NDUFS4: variants seen among roughly 807,000 people sequenced by gnomAD.
NDUFS4 encodes the protein NADH dehydrogenase [ubiquinone] iron-sulfur protein 4, mitochondrial.
A neutral mutation model predicts 24.3 loss-of-function variants in NDUFS4; 28 were observed. The ratio of observed to expected loss-of-function variants is 1.15; its 90% confidence interval spans 0.85 to 1.58. The LOEUF (loss-of-function observed/expected upper bound fraction) is 1.58, where lower values mean the gene tolerates loss of function less well. NDUFS4 is among the 40% of genes most tolerant of loss of function. NDUFS4 has a pLI of 0.00. For synonymous variants in NDUFS4, 93 were observed against 69.7 expected (o/e 1.34, Z -1.67); for missense variants, 223 against 207.9 (o/e 1.07, Z -0.45).
chr5:53,619,826 A>G (rs1750975635), intron 2 of NDUFS4, among the ~76,000 whole-genome samples: 1 of 152,218 alleles, frequency 6.6e-6, no homozygotes, highest in South Asian at 2.1e-4. Flanking sequence ...AAACGAATGT[A>G]TAATCTTTCA....
intron 3 of NDUFS4, among the ~76,000 whole-genome samples, chr5:53,654,644 A>G (rs1042330544): frequency 6.6e-5 from 10 of 152,276 alleles, no homozygotes; most frequent in Middle Eastern, 6.8e-3. Context: ...TATAACTGCT[A>G]CTGATACTTA....
At chr5:53,630,905 G>T (rs977730672) in intron 2 of NDUFS4, among the ~76,000 whole-genome samples, 1 of 152,064 alleles carries the variant, frequency 6.6e-6, no homozygotes, top group Non-Finnish European at 1.5e-5. Flanking sequence ...CTCATTCTCC[G>T]TCCAGTTTCC....
intron 4 of NDUFS4, among the ~76,000 whole-genome samples, chr5:53,674,059 C>T (rs1192358198): frequency 6.6e-6 from 1 of 152,018 alleles, no homozygotes; most frequent in Non-Finnish European, 1.5e-5. Context: ...TAATAAAAGA[C>T]AGTTAAAAAT....
chr5:53,560,731 T>G lies in NDUFS4; in HGVS notation c.69T>G (p.Ala23=). The G allele has an allele frequency of 6.2e-7, 1 of 1,614,250 alleles. No individual in the cohort carries two copies. The highest frequency in any genetic ancestry group is 1.1e-5 in the South Asian group (1 of 91,086). ...TLWRRRAVAV[A]ALSVSRVPTR... is the part of the protein sequence containing the mutation. ...GGCGGAGAAGGGCAGTGGCTGTAGC[T>G]GCCCTTTCCGTTTCCAGGGTTCCGA... The change falls in exon 1 of 5, where the codon GCT becomes GCG. Residue 23 remains alanine, a synonymous_variant. Transcript: ENST00000296684.
chr5:53,681,217 G>A lies in NDUFS4; in HGVS notation c.425-1901G>A, dbSNP rs117932568. The stretch of plus-strand genomic sequence containing the variant: ...AAGTTGTAGCCTCCAGAATCTGGCC[G>A]TCTGTGTTTAAATCCTGATTCTGCC... On this transcript the variant is annotated intron_variant, in intron 4 of 4. Coordinates refer to ENST00000296684, the MANE Select transcript of NDUFS4 (RefSeq NM_002495.4). Among the ~76,000 whole-genome samples the A allele has an allele frequency of 9.0e-3, 1,370 of 152,190 alleles. 39 individuals are homozygous for A. The highest frequency in any genetic ancestry group is 0.074 in the East Asian group (384 of 5,182).
intron 4 of NDUFS4, among the ~76,000 whole-genome samples, chr5:53,675,931 C>T (rs749330238): frequency 4.6e-5 from 7 of 152,080 alleles, no homozygotes; most frequent in African/African-American, 7.2e-5. Flanking sequence ...ACCATTTCTT[C>T]GATGATGAAG....
intron 2 of NDUFS4, among the ~76,000 whole-genome samples, chr5:53,608,694 C>A (rs1750605350): frequency 6.6e-6 from 1 of 152,208 alleles, no homozygotes; most frequent in African/African-American, 2.4e-5. Context: ...CCACCCACCA[C>A]ATCTGCAGTG....
chr5:53,586,561 C>T (rs1044245036), intron 1 of NDUFS4, among the ~76,000 whole-genome samples: 1 of 152,104 alleles, frequency 6.6e-6, no homozygotes, highest in African/African-American at 2.4e-5. Flanking sequence ...CTCACTCTGT[C>T]GCCCAGGCTG....
intron 2 of NDUFS4, among the ~76,000 whole-genome samples, chr5:53,607,515 G>A (rs1019946495): frequency 2.0e-5 from 3 of 152,246 alleles, no homozygotes; most frequent in Middle Eastern, 3.4e-3. Context: ...AGTGGGATTG[G>A]TAATGACACT....
chr5:53,601,688 T>G (rs1448972494), intron 1 of NDUFS4, among the ~76,000 whole-genome samples: 1 of 152,160 alleles, frequency 6.6e-6, no homozygotes, highest in Non-Finnish European at 1.5e-5. Flanking sequence ...AATTTATGAA[T>G]TTAATATTTG....
chr5:53,572,674 C>T (rs1267451763), intron 1 of NDUFS4, among the ~76,000 whole-genome samples: 5 of 149,070 alleles, frequency 3.4e-5, no homozygotes, highest in East Asian at 4.0e-4. Flanking sequence ...GGCGGAGTCT[C>T]GCCCTGTTGC....
intron 1 of NDUFS4, among the ~76,000 whole-genome samples, chr5:53,601,345 T>A (rs930069749): frequency 7.9e-5 from 12 of 152,198 alleles, no homozygotes; most frequent in African/African-American, 2.9e-4. Context: ...ATTATTACAA[T>A]TAGTTGGAGG....
Position 53,560,656 on chromosome 5 carries a change from C to T in NDUFS4, c.-7C>T, listed in dbSNP as rs200181541. The T allele has an allele frequency of 1.0e-4, 161 of 1,614,250 alleles. 1 individual carries two copies. The South Asian group carries it at 1.7e-3, about 17-fold the overall frequency. Reference sequence around the variant, plus strand: ...GTCCTTTCATCCTGGCGTTTGCCTGCAGCAAGATGGCGGCGGTGTCAATGT... The same window carrying T: ...GTCCTTTCATCCTGGCGTTTGCCTGTAGCAAGATGGCGGCGGTGTCAATGT... On this transcript the variant is annotated 5_prime_UTR_variant, in exon 1 of 5. Transcript: ENST00000296684.
intron 2 of NDUFS4, 73 bp downstream of exon 2, chr5:53,603,603 G>T (rs1477791995): frequency 8.6e-7 from 1 of 1,166,070 alleles, no homozygotes; most frequent in African/African-American, 1.5e-5. Flanking sequence ...TATTCAGTAT[G>T]GTGTTCCAGG....
chr5:53,575,530 CTTTTTTTTTTTTTT>C (rs36051026), intron 1 of NDUFS4, among the ~76,000 whole-genome samples: 6 of 76,154 alleles, frequency 7.9e-5, no homozygotes, highest in South Asian at 6.7e-4. Context: ...TGATCAGATT[CTTTTTTTTTTTTTT>C]TTTTTTTTTT....
chr5:53,630,750 C>G (rs1447078045), intron 2 of NDUFS4, among the ~76,000 whole-genome samples: 2 of 152,108 alleles, frequency 1.3e-5, no homozygotes, highest in African/African-American at 4.8e-5. Flanking sequence ...AGGTTTTTCT[C>G]TACACTGGTT....
intron 1 of NDUFS4, among the ~76,000 whole-genome samples, chr5:53,574,062 G>A (rs1749308861): frequency 6.6e-6 from 1 of 152,172 alleles, no homozygotes; most frequent in African/African-American, 2.4e-5. Flanking sequence ...CGTGAATAGG[G>A]AAATTTTGTT....
intron 2 of NDUFS4, among the ~76,000 whole-genome samples, chr5:53,633,577 G>T (rs1751469614): frequency 6.6e-6 from 1 of 152,040 alleles, no homozygotes. Flanking sequence ...AAACACACAG[G>T]TTTAACTCTT....
intron 1 of NDUFS4, among the ~76,000 whole-genome samples, chr5:53,568,841 C>T (rs1337008918): frequency 1.3e-5 from 2 of 152,184 alleles, no homozygotes; most frequent in Non-Finnish European, 2.9e-5. Flanking sequence ...AGAACTGTCT[C>T]TGGGAGTAAA....
Sources: allele counts gnomAD v4.1 joint callset (sites outside exome capture counted in the v4.1 genomes callset), GRCh38; gene constraint gnomAD v4.1.1; transcripts MANE v1.5; gene names NCBI Gene and HGNC (gene_info 2026-07-23, HGNC 2026-07-21).